NUP133: variants seen among roughly 807,000 people sequenced by gnomAD.
NUP133 encodes nuclear pore complex protein Nup133.
In NUP133, 66 loss-of-function variants were observed where a neutral mutation model predicts 146.2. That is an observed-to-expected ratio of 0.45 (90% CI 0.37 to 0.55). The LOEUF (loss-of-function observed/expected upper bound fraction) is 0.55. Ranked by LOEUF, NUP133 falls within the 20% of genes least tolerant of loss-of-function variation. The pLI is 0.00. For missense variants in NUP133, 1,277 were observed against 1,374.8 expected, an observed-to-expected ratio of 0.93 and a Z score of 1.12; for synonymous variants, 521 against 498.8, an observed-to-expected ratio of 1.04 and a Z score of -0.59.
intron 8 of NUP133, 56 bp from the exon 9 acceptor site, chr1:229,490,158 C>T (rs1231689863): frequency 7.1e-7 from 1 of 1,399,936 alleles, no homozygotes; most frequent in Non-Finnish European, 9.4e-7. Context: ...TTAGGAGTTT[C>T]CTATAAAATT....
At chr1:229,454,209 G>A (rs1367130160) in intron 21 of NUP133, among the ~76,000 whole-genome samples, 1 of 152,178 alleles carries the variant, frequency 6.6e-6, no homozygotes, top group Non-Finnish European at 1.5e-5. Flanking sequence ...AGGGGCTTCT[G>A]TTTGCCATAA....
chr1:229,472,174 C>T (rs1042463129), intron 14 of NUP133, among the ~76,000 whole-genome samples: 4 of 152,044 alleles, frequency 2.6e-5, no homozygotes, highest in Non-Finnish European at 4.4e-5. Flanking sequence ...AAAAAATTAG[C>T]CGGGCGTGGT....
At chr1:229,466,592 C>A in intron 16 of NUP133, 42 bp downstream of exon 16, 1 of 1,610,526 alleles carries the variant, frequency 6.2e-7, no homozygotes, top group South Asian at 1.1e-5. Flanking sequence ...CTATCCATGC[C>A]CTGGGCTTTG....
chr1:229,449,879 T>A (rs1031794371), intron 23 of NUP133, among the ~76,000 whole-genome samples: 21,796 of 100,560 alleles, frequency 0.22, 2,399 homozygotes, highest in African/African-American at 0.35. Context: ...ATATATTTTT[T>A]TTTTTTTTTT....
intron 23 of NUP133, among the ~76,000 whole-genome samples, chr1:229,449,508 T>C (rs1230435321): frequency 6.6e-6 from 1 of 150,950 alleles, no homozygotes; most frequent in Non-Finnish European, 1.5e-5. Flanking sequence ...GCTGGGATTA[T>C]AGGCACACAC....
intron 12 of NUP133, among the ~76,000 whole-genome samples, chr1:229,480,739 T>G (rs893963313): frequency 6.6e-6 from 1 of 151,974 alleles, no homozygotes; most frequent in African/African-American, 2.4e-5. Flanking sequence ...ACCGCTGGAG[T>G]GCGGTGACGG....
intron 3 of NUP133, among the ~76,000 whole-genome samples, chr1:229,501,118 G>T (rs1262426745): frequency 6.6e-6 from 1 of 152,112 alleles, no homozygotes; most frequent in Non-Finnish European, 1.5e-5. Flanking sequence ...CCTCTTCCTG[G>T]GCTAGAAAAG....
intron 11 of NUP133, among the ~76,000 whole-genome samples, chr1:229,486,147 A>G (rs1356727951): frequency 6.6e-6 from 1 of 152,070 alleles, no homozygotes; most frequent in East Asian, 1.9e-4. Flanking sequence ...AGCCTGGGCA[A>G]CAGAGTGAGA....
intron 19 of NUP133, among the ~76,000 whole-genome samples, chr1:229,462,706 T>C (rs1025993890): frequency 2.0e-5 from 3 of 151,974 alleles, no homozygotes; most frequent in African/African-American, 4.8e-5. Context: ...CATGGGCGTG[T>C]GGTGGCATGT....
chr1:229,497,985 A>T, intron 6 of NUP133, 151 bp downstream of exon 6: 1 of 482,208 alleles, frequency 2.1e-6, no homozygotes. Context: ...ATCTCATTTC[A>T]TCATAATAAA....
intron 21 of NUP133, 57 bp from the exon 22 acceptor site, chr1:229,452,700 C>T: frequency 7.5e-7 from 1 of 1,330,548 alleles, no homozygotes; most frequent in Non-Finnish European, 1.0e-6. Flanking sequence ...GACTTTTGCT[C>T]TCATTTTTGC....
chr1:229,447,536 G>T (rs1381018892), intron 24 of NUP133, among the ~76,000 whole-genome samples: 1 of 151,952 alleles, frequency 6.6e-6, no homozygotes, highest in Non-Finnish European at 1.5e-5. Flanking sequence ...CAGGATAGGG[G>T]CTGGTCACCA....
At chr1:229,464,017 C>T (rs983528874) in intron 18 of NUP133, among the ~76,000 whole-genome samples, 27 of 152,120 alleles carry the variant, frequency 1.8e-4, no homozygotes, top group Admixed American at 1.7e-3. Flanking sequence ...TGGTGGCACA[C>T]GCCTGTAATC....
At chr1:229,446,805 T>G (rs1406578501) in intron 24 of NUP133, among the ~76,000 whole-genome samples, 1 of 151,984 alleles carries the variant, frequency 6.6e-6, no homozygotes, top group Non-Finnish European at 1.5e-5. Context: ...CGAGTCTCGT[T>G]TGGCATGACA....
intron 22 of NUP133, among the ~76,000 whole-genome samples, chr1:229,451,322 T>C (rs1232888136): frequency 1.3e-5 from 2 of 151,964 alleles, no homozygotes; most frequent in African/African-American, 4.8e-5. Context: ...TCACCTGAGC[T>C]TGGGAGGTCA....
intron 24 of NUP133, among the ~76,000 whole-genome samples, chr1:229,445,324 G>A (rs577573239): frequency 6.6e-6 from 1 of 152,252 alleles, no homozygotes; most frequent in African/African-American, 2.4e-5. Context: ...CAAGTAGTGA[G>A]GTATCTTTCT....
At chr1:229,461,861 T>G (rs1660698708) in intron 19 of NUP133, among the ~76,000 whole-genome samples, 1 of 150,896 alleles carries the variant, frequency 6.6e-6, no homozygotes, top group Non-Finnish European at 1.5e-5. Context: ...TTTGATATAC[T>G]AAATAAGCCA....
Position 229,508,162 on chromosome 1 carries a change from G to C in NUP133, c.88C>G (p.Arg30Gly), listed in dbSNP as rs755927084. The C allele has an allele frequency of 6.3e-7, 1 of 1,593,966 alleles. No homozygotes were observed. The highest frequency in any genetic ancestry group is 8.5e-7 in the Non-Finnish European group (1 of 1,171,776). Residue 30 changes from arginine (R) to glycine (G), a missense_variant, in exon 1 of 26, where the codon CGG becomes GGG. This residue lies in a region of NUP133 where 319 missense variants were observed against 306.9 expected (regional missense o/e 1.04). Transcript: ENST00000261396. ...LAGLGPGSTP[R>G]TASRKGLPLG... ...GGCAGACCCTTCCTGCTAGCCGTCC[G>C]GGGCGTGGAGCCGGGCCCGAGTCCG...
intron 8 of NUP133, 113 bp from the exon 9 acceptor site, chr1:229,490,215 A>T (rs1182095297): frequency 7.9e-6 from 7 of 880,614 alleles, no homozygotes; most frequent in Non-Finnish European, 9.5e-6. Flanking sequence ...GTGGACACCT[A>T]TCCAAGAGAA....
Sources: gnomAD v4.1 joint callset for allele counts (sites outside exome capture counted in the v4.1 genomes callset) on GRCh38, gnomAD v4.1.1 for gene constraint, gnomAD v4.1.1 regional missense constraint, MANE v1.5 for transcripts, NCBI Gene and HGNC (gene_info 2026-07-23, HGNC 2026-07-21) for gene names.